Variants in FLI1 observed in about 807,000 individuals in gnomAD.
FLI1 encodes Fli-1 proto-oncogene, ETS transcription factor, also known as Friend leukemia integration 1 transcription factor.
In FLI1, 13 loss-of-function variants were observed where a neutral mutation model predicts 53.1. The observed-to-expected ratio is 0.24, with a 90% CI of 0.16 to 0.39. FLI1 has a LOEUF of 0.39. FLI1 is among the 10% of genes least tolerant of loss of function. The pLI is 1.00. For missense variants in FLI1, 424 were observed against 600.5 expected (o/e 0.71, Z 3.07); for synonymous variants, 244 against 236.7 (o/e 1.03, Z -0.28).
upstream of FLI1, chr11:128,693,947 A>AGAGAGAGAGG (rs1241849139): frequency 2.4e-4 from 9 of 37,460 alleles, no homozygotes; most frequent in Non-Finnish European, 2.3e-4. Context: ...GAGGCGAGAG[A>AGAGAGAGAGG]GAGAGAGAGA....
chr11:128,771,055 A>G (rs1941534323), intron 3 of FLI1, among the ~76,000 whole-genome samples: 1 of 152,234 alleles, frequency 6.6e-6, no homozygotes, highest in South Asian at 2.1e-4. Context: ...CCCAGCCCAG[A>G]TACTTACCAG....
intron 2 of FLI1, among the ~76,000 whole-genome samples, chr11:128,762,898 G>A (rs1941180168): frequency 1.3e-5 from 2 of 152,036 alleles, no homozygotes; most frequent in South Asian, 2.1e-4. Context: ...GGAGGTTGCT[G>A]TGAGCCGAGA....
intron 1 of FLI1, among the ~76,000 whole-genome samples, chr11:128,721,468 T>C (rs1051294504): frequency 6.6e-6 from 1 of 152,206 alleles, no homozygotes; most frequent in African/African-American, 2.4e-5. Context: ...TAATACATTT[T>C]TGCTTTATGT....
intron 1 of FLI1, among the ~76,000 whole-genome samples, chr11:128,738,299 T>C (rs908840359): frequency 1.3e-4 from 20 of 152,356 alleles, no homozygotes; most frequent in African/African-American, 4.6e-4. Context: ...CTTCCACATC[T>C]GCTTTTTGCT....
chr11:128,796,555 G>A (rs964651533), intron 5 of FLI1, among the ~76,000 whole-genome samples: 4 of 152,222 alleles, frequency 2.6e-5, no homozygotes, highest in African/African-American at 9.7e-5. Flanking sequence ...TATAATAAGT[G>A]AGATCACATT....
At chr11:128,775,539 C>T (rs76970214) in intron 4 of FLI1, among the ~76,000 whole-genome samples, 9 of 152,300 alleles carry the variant, frequency 5.9e-5, no homozygotes, top group East Asian at 1.9e-4. Flanking sequence ...GGCTGCTAAG[C>T]GCCTGCAGGA....
At chr11:128,805,258 C>A in intron 5 of FLI1, 108 bp from the exon 6 acceptor site, 1 of 632,398 alleles carries the variant, frequency 1.6e-6, no homozygotes, top group Non-Finnish European at 2.8e-6. Flanking sequence ...CTTTAAAAGC[C>A]ATTGCTGAAT....
chr11:128,740,677 C>A (rs1940096353), intron 1 of FLI1, among the ~76,000 whole-genome samples: 1 of 152,230 alleles, frequency 6.6e-6, no homozygotes. Flanking sequence ...TGGGTTATGA[C>A]AGCAATGTTT....
intron 1 of FLI1, among the ~76,000 whole-genome samples, chr11:128,722,835 C>A (rs999058985): frequency 3.3e-5 from 5 of 152,074 alleles, no homozygotes; most frequent in African/African-American, 4.8e-5. Context: ...CTCTGGGAAC[C>A]GCGGGGTGGG....
At chr11:128,747,622 C>T (rs965811129) in intron 1 of FLI1, among the ~76,000 whole-genome samples, 4 of 152,214 alleles carry the variant, frequency 2.6e-5, no homozygotes, top group Admixed American at 6.5e-5. Flanking sequence ...CTTTGCTTTG[C>T]GCTGTCCCTT....
chr11:128,696,673 C>T (rs902087925), intron 1 of FLI1, among the ~76,000 whole-genome samples: 1 of 152,220 alleles, frequency 6.6e-6, no homozygotes, highest in African/African-American at 2.4e-5. Context: ...GTTGACGACA[C>T]TCTAGAGAGA....
At chr11:128,759,059 C>T (rs1239154659) in intron 2 of FLI1, among the ~76,000 whole-genome samples, 2 of 152,360 alleles carry the variant, frequency 1.3e-5, no homozygotes, top group East Asian at 3.9e-4. Context: ...ATGGTCCTTA[C>T]TCTAGCGTTA....
rs75589713 is a variant in FLI1 at position 128,687,144 on chromosome 11, G to A, written c.-203+443G>A. Among the ~76,000 whole-genome samples, 406 of 152,394 alleles carry A rather than the reference G, an allele frequency of 2.7e-3. 7 individuals carry two copies. The East Asian group carries it at 0.044, about 17-fold the overall frequency. Reference sequence around the variant, plus strand: ...TGTATGTGGGGTTGTGTGCGGGTATGCGGGCGCCACGCGCTTCTCCTACAG... The same window carrying A: ...TGTATGTGGGGTTGTGTGCGGGTATACGGGCGCCACGCGCTTCTCCTACAG... On this transcript the variant is annotated intron_variant, in intron 1 of 6. Coordinates refer to the FLI1 transcript ENST00000344954.
chr11:128,807,342 C>T, intron 7 of FLI1, 103 bp downstream of exon 7: 1 of 685,674 alleles, frequency 1.5e-6, no homozygotes, highest in South Asian at 2.7e-5. Flanking sequence ...CATATGTTTT[C>T]TCTTATTTCT....
chr11:128,807,297 A>G (rs896141904), intron 7 of FLI1, 58 bp downstream of exon 7: 2 of 1,214,288 alleles, frequency 1.6e-6, no homozygotes, highest in Middle Eastern at 1.9e-4. Flanking sequence ...TTGATTTCAC[A>G]TGGTCAACTG....
At chr11:128,693,921 A>C, upstream of FLI1, 1 of 265,564 alleles carries the variant, frequency 3.8e-6, no homozygotes, top group Non-Finnish European at 7.1e-6. Context: ...AGGGGAGAGA[A>C]GAGAGAGGAG....
At chr11:128,714,919 G>A (rs1938945571) in intron 1 of FLI1, among the ~76,000 whole-genome samples, 1 of 152,012 alleles carries the variant, frequency 6.6e-6, no homozygotes, top group Non-Finnish European at 1.5e-5. Flanking sequence ...ATGTTGGCCG[G>A]AATGGTCTCA....
intron 5 of FLI1, among the ~76,000 whole-genome samples, chr11:128,790,319 G>A (rs760478094): frequency 2.0e-5 from 3 of 149,212 alleles, no homozygotes; most frequent in Non-Finnish European, 3.0e-5. Context: ...GAGAAAGAAC[G>A]AGGGTGACAG....
rs149715792 is a variant in FLI1, at chr11:128,796,212, A to G, written c.656-9154A>G. On this transcript the variant is annotated intron_variant, in intron 5 of 8. Coordinates refer to ENST00000527786, the MANE Select transcript of FLI1 (RefSeq NM_002017.5). The stretch of plus-strand genomic sequence containing the variant: ...TTAAGAGCCCTTAGTAACACCACCA[A>G]CAGTCCTATGCTTGATAAATTTTAG... Among the ~76,000 whole-genome samples the G allele has an allele frequency of 4.3e-3, 654 of 152,246 alleles. 14 individuals carry two copies. The highest frequency in any genetic ancestry group is 0.031 in the Admixed American group (472 of 15,298).
Sources: allele counts gnomAD v4.1 joint callset (sites outside exome capture counted in the v4.1 genomes callset), GRCh38; gene constraint gnomAD v4.1.1; transcripts MANE v1.5; gene names NCBI Gene and HGNC (gene_info 2026-07-23, HGNC 2026-07-21).